The following SPG11 variants were observed in gnomAD, a reference collection of about 807,000 sequenced individuals.
SPG11 encodes SPG11 vesicle trafficking associated, spatacsin.
In SPG11, 222 loss-of-function variants were observed where a neutral mutation model predicts 274.0. The ratio of observed to expected loss-of-function variants is 0.81; its 90% CI spans 0.73 to 0.91. The LOEUF (loss-of-function observed/expected upper bound fraction) is 0.91. SPG11 is among the 40% of genes least tolerant of loss of function. SPG11 has a pLI of 0.00. For missense variants in SPG11, 3,114 were observed against 2,872.7 expected (o/e 1.08, Z -1.92); for synonymous variants, 1,144 against 1,039.7 (o/e 1.10, Z -1.93).
chr15:44,629,348 C>G lies in SPG11; in HGVS notation c.1776G>C (p.Ser592=). Residue 592 remains serine (S), a synonymous_variant, in exon 9 of 40, where the codon TCG becomes TCC. Coordinates refer to ENST00000261866, the MANE Select transcript of SPG11 (RefSeq NM_025137.4). ...GTTCAGAATAACTTTCTCTAATTGC[C>G]GAGCAAAGTAAATCCAATGCTGGTA... The part of the protein sequence containing the change: ...ELIPALDLLC[S]AIRESYSEPQ... The G allele has an allele frequency of 1.2e-6, 2 of 1,614,068 alleles. No individual in the cohort carries two copies. Among genetic ancestry groups the G allele is most frequent in the Non-Finnish European group, 1.7e-6 (2 of 1,180,010 alleles).
intron 3 of SPG11, among the ~76,000 whole-genome samples, chr15:44,658,159 A>C (rs2084994041): frequency 6.6e-6 from 1 of 152,272 alleles, no homozygotes; most frequent in African/African-American, 2.4e-5. Flanking sequence ...TAACCTGGCA[A>C]CAATAATTGT....
chr15:44,573,137 C>A (rs1205429301), intron 32 of SPG11, among the ~76,000 whole-genome samples: 1 of 150,882 alleles, frequency 6.6e-6, no homozygotes, highest in East Asian at 2.1e-4. Context: ...CAGGTGCCCG[C>A]CAACACGCCC....
rs554911861 is a variant in SPG11, at chr15:44,659,881, C to A, written c.442+551G>T. 3.8e-3 allele frequency among the ~76,000 whole-genome samples: 584 copies of A among 152,130 alleles called. 2 individuals carry two copies. Among genetic ancestry groups the A allele is most frequent in the African/African-American group, 0.013 (559 of 41,518 alleles). ...TTTGAGACCAGCCTGGCCAACATGGCGAAACCCTGTCTCTACTAAAAATAT... is the reference window on the plus strand; with the variant it reads ...TTTGAGACCAGCCTGGCCAACATGGAGAAACCCTGTCTCTACTAAAAATAT... On this transcript the variant is annotated intron_variant, in intron 2 of 39. Transcript: ENST00000261866.
chr15:44,564,612 A>G lies in SPG11; in HGVS notation c.7086T>C (p.Asn2362=), dbSNP rs1251105512. 1 of 1,613,870 alleles carries G rather than the reference A, an allele frequency of 6.2e-7. No individual in the cohort carries two copies. ...TTTGCTGCTTAAATTCTTCCAAGTA[A>G]TTAAAGTCTCCTTTAAGAATCACTT... The part of the protein sequence containing the change: ...YQQVILKGDF[N]YLEEFKQQRL... The change falls in exon 39 of 40, where the codon AAT becomes AAC. Residue 2362 remains asparagine, a synonymous_variant. Transcript: ENST00000261866.
rs1242343501 is a variant in SPG11, at chr15:44,648,945, T to C, written c.1523A>G (p.His508Arg). ...QEEFLNRLMI[H>R]GSASTVDTLC... ...AGTGTCCACAGTGCTGGCACTTCCA[T>C]GGATCATGAGTCTGTTTAAAAACTC... is the stretch of plus-strand genomic sequence containing the variant. Residue 508 changes from histidine to arginine, a missense_variant, in exon 7 of 40, where the codon CAT (histidine) becomes CGT (arginine). His to Arg is a conservative substitution (Grantham distance 29). Coordinates refer to ENST00000261866, the MANE Select transcript of SPG11 (RefSeq NM_025137.4). 2 of 1,613,906 alleles carry C rather than the reference T, an allele frequency of 1.2e-6. No individual in the cohort carries two copies. Among genetic ancestry groups the C allele is most frequent in the Non-Finnish European group, 1.7e-6 (2 of 1,179,896 alleles).
At chr15:44,592,664 T>C (rs2082933010) in intron 26 of SPG11, among the ~76,000 whole-genome samples, 1 of 151,728 alleles carries the variant, frequency 6.6e-6, no homozygotes, top group Non-Finnish European at 1.5e-5. Flanking sequence ...ACTTAAAATA[T>C]AAAAAAGTAG....
intron 30 of SPG11, among the ~76,000 whole-genome samples, chr15:44,579,378 C>A (rs1470801740): frequency 6.7e-6 from 1 of 149,908 alleles, no homozygotes; most frequent in African/African-American, 2.5e-5. Flanking sequence ...TACACAAACA[C>A]ACAAAAATAG....
intron 15 of SPG11, among the ~76,000 whole-genome samples, chr15:44,616,907 T>C (rs2083605058): frequency 6.6e-6 from 1 of 152,196 alleles, no homozygotes; most frequent in African/African-American, 2.4e-5. Flanking sequence ...TAAAATAAAT[T>C]TGCATTTCCT....
At chr15:44,607,410 T>C (rs1402282807) in intron 19 of SPG11, among the ~76,000 whole-genome samples, 2 of 152,116 alleles carry the variant, frequency 1.3e-5, no homozygotes, top group African/African-American at 4.8e-5. Flanking sequence ...GCCTCCAGAG[T>C]AGCTGGGACT....
rs866691503 is a variant in SPG11 at position 44,636,950 on chromosome 15, A to C, written c.1603-3313T>G. ...CAAAAAAAAAAAAAAAAAAAAAAAA[A>C]AAAAAAACAAAAAAAAAACACAAAT... is the stretch of plus-strand genomic sequence containing the variant. On this transcript the variant is annotated intron_variant, in intron 7 of 39. Transcript: ENST00000261866. Among the ~76,000 whole-genome samples, 30 of 126,808 alleles carry C rather than the reference A, an allele frequency of 2.4e-4. No individual in the cohort carries two copies. In the East Asian group the frequency reaches 3.2e-3, roughly 14 times the overall value. The allele number at this position is 126,808 out of a possible 152,430, so 83.2% of individuals were successfully genotyped here.
At chr15:44,650,485 C>T (rs956140693) in intron 6 of SPG11, among the ~76,000 whole-genome samples, 15 of 151,984 alleles carry the variant, frequency 9.9e-5, no homozygotes, top group African/African-American at 3.1e-4. Context: ...GAGACGTCGT[C>T]TCTACTAAAA....
At chr15:44,613,200 G>A (rs2083503815) in intron 17 of SPG11, among the ~76,000 whole-genome samples, 1 of 152,198 alleles carries the variant, frequency 6.6e-6, no homozygotes, top group African/African-American at 2.4e-5. Flanking sequence ...AGGGGAAGGG[G>A]ACAAAACCAC....
chr15:44,585,301 C>T (rs910979177), intron 29 of SPG11, among the ~76,000 whole-genome samples: 4 of 151,752 alleles, frequency 2.6e-5, no homozygotes, highest in Admixed American at 6.6e-5. Flanking sequence ...CTTAAAAAGA[C>T]CAATGAGGCT....
intron 9 of SPG11, among the ~76,000 whole-genome samples, 181 bp downstream of exon 9, chr15:44,629,052 G>C (rs182564194): frequency 1.9e-4 from 29 of 152,030 alleles, no homozygotes; most frequent in Admixed American, 1.4e-3. Context: ...ATTAGTCCTG[G>C]GTCTTTCTAC....
At position 44,597,658 on chromosome 15, in the gene SPG11, C is replaced by A. The variant is rs143974955; in HGVS notation, c.4001+607G>T. On this transcript the variant is annotated intron_variant, in intron 23 of 39. Coordinates refer to ENST00000261866, the MANE Select transcript of SPG11 (RefSeq NM_025137.4). ...CCTCACCAGGGGTAGGGTACATGTTCCTGCTGCAAGCAGGATTCTGCCAAG... is the reference window on the plus strand; with the variant it reads ...CCTCACCAGGGGTAGGGTACATGTTACTGCTGCAAGCAGGATTCTGCCAAG... Among the ~76,000 whole-genome samples, 318 of 152,280 alleles carry A rather than the reference C, an allele frequency of 2.1e-3. 1 individual carries two copies. Among genetic ancestry groups the A allele is most frequent in the African/African-American group, 7.3e-3 (302 of 41,570 alleles).
rs548580985 is a variant in SPG11 at position 44,625,603 on chromosome 15, G to A, written c.2244+728C>T. 8.5e-5 allele frequency among the ~76,000 whole-genome samples: 13 copies of A among 152,192 alleles called. No homozygotes were observed. The East Asian group carries it at 2.3e-3, about 27-fold the overall frequency. On this transcript the variant is annotated intron_variant, in intron 11 of 39. Transcript: ENST00000261866. ...TGAGGCCTCCCCAGCCATGCTTCTT[G>A]TATAGCCTGTGGAACTGTGAGCCAA...
intron 35 of SPG11, among the ~76,000 whole-genome samples, chr15:44,568,588 TAAAC>T (rs1010260807): frequency 9.2e-5 from 14 of 152,222 alleles, no homozygotes; most frequent in Admixed American, 2.6e-4. Context: ...GCCCAAGACT[TAAAC>T]AAGTCAGGCC....
At position 44,569,504 on chromosome 15, in the gene SPG11, A is replaced by G; in HGVS notation, c.6479T>C (p.Val2160Ala). 6.3e-7 allele frequency: 1 copy of G among 1,583,518 alleles called. No individual in the cohort carries two copies. The highest frequency in any genetic ancestry group is 8.6e-7 in the Non-Finnish European group (1 of 1,163,326). The change falls in exon 35 of 40, where the codon GTA becomes GCA. Residue 2160 changes from valine (V) to alanine (A), a missense_variant and splice_region_variant. Physicochemically the swap from Val to Ala is moderately conservative, Grantham distance 64. Coordinates refer to ENST00000261866, the MANE Select transcript of SPG11 (RefSeq NM_025137.4). ...CCTTCCAATGCCAGTGAGGAGCCGT[A>G]CCTGTGAAGTGGGAGGACAGCTCGC... is the stretch of plus-strand genomic sequence containing the variant. ...LAPSEEYGLV[V>A]RLLTGIGRYN... is the part of the protein sequence containing the mutation.
chr15:44,652,720 T>C (rs1187526848), intron 4 of SPG11, among the ~76,000 whole-genome samples: 2 of 151,096 alleles, frequency 1.3e-5, no homozygotes, highest in Non-Finnish European at 2.9e-5. Context: ...AGTGGCGCAA[T>C]CTCAGCTCAC....
Sources: allele counts gnomAD v4.1 joint callset (sites outside exome capture counted in the v4.1 genomes callset), GRCh38; gene constraint gnomAD v4.1.1; transcripts MANE v1.5; gene names NCBI Gene and HGNC (gene_info 2026-07-23, HGNC 2026-07-21).